LRBA: variants seen among roughly 807,000 people sequenced by gnomAD.
LRBA encodes the protein lipopolysaccharide-responsive and beige-like anchor protein.
In LRBA, 176 loss-of-function variants were observed where a neutral mutation model predicts 330.0. The observed-to-expected ratio is 0.53, with a 90% CI of 0.47 to 0.60. The LOEUF (loss-of-function observed/expected upper bound fraction) is 0.60, where lower values mean the gene tolerates loss of function less well. Ranked by LOEUF, LRBA falls within the 20% of genes least tolerant of loss-of-function variation. The pLI, the probability that LRBA is intolerant of heterozygous loss-of-function variation, is 0.00. For missense variants in LRBA, 3,259 were observed against 3,444.8 expected (o/e 0.95, Z 1.35); for synonymous variants, 1,230 against 1,193.0 (o/e 1.03, Z -0.64).
chr4:150,555,756 A>AACACACACACACACACACACAC (rs34497958), intron 40 of LRBA, among the ~76,000 whole-genome samples: 1,586 of 144,600 alleles, frequency 0.011, 29 homozygotes, highest in African/African-American at 0.033. Context: ...GTCTTATAAA[A>AACACACACACACACACACACAC]ACACACACAC....
intron 42 of LRBA, among the ~76,000 whole-genome samples, chr4:150,481,295 A>G (rs897055551): frequency 2.0e-5 from 3 of 152,090 alleles, no homozygotes; most frequent in African/African-American, 7.2e-5. Context: ...CCTGCAATAA[A>G]CATGGTGGGT....
intron 47 of LRBA, among the ~76,000 whole-genome samples, chr4:150,357,283 G>C (rs762827732): frequency 6.6e-6 from 1 of 151,856 alleles, no homozygotes; most frequent in African/African-American, 2.4e-5. Flanking sequence ...TTCTGTCTAC[G>C]ATTGTTATTG....
At chr4:150,614,200 T>C (rs1775545703) in intron 37 of LRBA, among the ~76,000 whole-genome samples, 1 of 152,232 alleles carries the variant, frequency 6.6e-6, no homozygotes, top group Non-Finnish European at 1.5e-5. Flanking sequence ...AATTGGCTAC[T>C]CCTACACCTG....
chr4:150,716,301 G>A (rs2127059488), intron 36 of LRBA, among the ~76,000 whole-genome samples: 1 of 152,176 alleles, frequency 6.6e-6, no homozygotes, highest in Admixed American at 6.5e-5. Context: ...ACAAAATCTA[G>A]CTGGGCGTGG....
rs142972660 is a variant in LRBA, at chr4:150,787,595, A to C, written c.5580+10486T>G. 2.5e-3 allele frequency among the ~76,000 whole-genome samples: 380 copies of C among 152,288 alleles called. 5 individuals are homozygous for C. The highest frequency in any genetic ancestry group is 8.7e-3 in the African/African-American group (363 of 41,556). On this transcript the variant is annotated intron_variant, in intron 34 of 56. Coordinates refer to ENST00000651943, the MANE Select transcript of LRBA (RefSeq NM_001364905.1). ...ATGAGATGTTTTGATACAGGCATGC[A>C]ATGCATAATAATCACATCCTGTAAA... is the stretch of plus-strand genomic sequence containing the variant.
At chr4:150,682,294 C>CT (rs1463690780) in intron 37 of LRBA, among the ~76,000 whole-genome samples, 13 of 152,096 alleles carry the variant, frequency 8.5e-5, no homozygotes, top group Admixed American at 8.5e-4. Context: ...TCGCCATGGG[C>CT]TTTTAGATGT....
At chr4:150,528,946 T>C (rs190340180) in intron 40 of LRBA, among the ~76,000 whole-genome samples, 1 of 152,326 alleles carries the variant, frequency 6.6e-6, no homozygotes, top group African/African-American at 2.4e-5. Flanking sequence ...TGTGCTTGTT[T>C]TTCATTTGGT....
chr4:150,267,887 T>A (rs1278651995), intron 56 of LRBA, among the ~76,000 whole-genome samples: 3 of 151,810 alleles, frequency 2.0e-5, no homozygotes, highest in African/African-American at 7.3e-5. Context: ...CGGGGAAACC[T>A]CGTCTCTACT....
chr4:150,980,118 C>A (rs944888550), intron 2 of LRBA, among the ~76,000 whole-genome samples: 18 of 152,118 alleles, frequency 1.2e-4, no homozygotes, highest in African/African-American at 4.1e-4. Context: ...TGAAAAAGAT[C>A]ATTTATCATG....
At position 150,590,872 on chromosome 4, in the gene LRBA, G is replaced by A; in HGVS notation, c.6047-13C>T. On this transcript the variant is annotated splice_polypyrimidine_tract_variant and intron_variant, in intron 38 of 56. Coordinates refer to ENST00000651943, the MANE Select transcript of LRBA (RefSeq NM_001364905.1). ...TCTTCATCTGTGGCTGAAATGAAAAGGAAACAAAGCTGTCCATCAGTTCTG... is the reference window on the plus strand; with the variant it reads ...TCTTCATCTGTGGCTGAAATGAAAAAGAAACAAAGCTGTCCATCAGTTCTG... 1 of 1,613,090 alleles carries A rather than the reference G, an allele frequency of 6.2e-7. No homozygotes were observed. The highest frequency in any genetic ancestry group is 1.7e-4 in the Middle Eastern group (1 of 6,042).
At chr4:150,395,728 A>G (rs746284699) in intron 47 of LRBA, among the ~76,000 whole-genome samples, 1 of 152,166 alleles carries the variant, frequency 6.6e-6, no homozygotes, top group Non-Finnish European at 1.5e-5. Flanking sequence ...TTCCCAAGAA[A>G]CCTATGCAAT....
chr4:150,592,508 T>G (rs1438573673), intron 38 of LRBA, among the ~76,000 whole-genome samples: 1 of 152,180 alleles, frequency 6.6e-6, no homozygotes, highest in African/African-American at 2.4e-5. Context: ...TACCTTTAAA[T>G]ACACTCTATG....
intron 34 of LRBA, among the ~76,000 whole-genome samples, chr4:150,789,539 C>T (rs1217391165): frequency 6.6e-6 from 1 of 152,036 alleles, no homozygotes; most frequent in Non-Finnish European, 1.5e-5. Flanking sequence ...ACTGCAAATA[C>T]CATAAACATA....
chr4:150,835,756 A>G (rs1056477854), intron 28 of LRBA, among the ~76,000 whole-genome samples: 2 of 152,168 alleles, frequency 1.3e-5, no homozygotes, highest in African/African-American at 4.8e-5. Flanking sequence ...AACAGGGACA[A>G]TTTGACTTCC....
At chr4:150,887,973 C>A (rs74923854) in intron 17 of LRBA, among the ~76,000 whole-genome samples, 2,167 of 151,812 alleles carry the variant, frequency 0.014, 50 homozygotes, top group African/African-American at 0.05. Flanking sequence ...CATAGTAAGA[C>A]CCCAATTCTA....
At chr4:150,651,612 C>T (rs1779715289) in intron 37 of LRBA, among the ~76,000 whole-genome samples, 1 of 151,870 alleles carries the variant, frequency 6.6e-6, no homozygotes, top group Non-Finnish European at 1.5e-5. Flanking sequence ...TTGTCTTGTT[C>T]CTAACTGTAT....
chr4:150,281,358 G>T (rs1747496535), intron 55 of LRBA, among the ~76,000 whole-genome samples: 1 of 152,166 alleles, frequency 6.6e-6, no homozygotes, highest in Non-Finnish European at 1.5e-5. Context: ...AGAGACCGCA[G>T]AGAACAGTGG....
chr4:150,961,742 T>A (rs968018283), intron 2 of LRBA, among the ~76,000 whole-genome samples: 1 of 148,960 alleles, frequency 6.7e-6, no homozygotes, highest in African/African-American at 2.6e-5. Context: ...ATAACTTTTT[T>A]AAAAAGCGGT....
intron 44 of LRBA, 51 bp downstream of exon 44, chr4:150,467,622 T>G (rs1755601739): frequency 1.7e-6 from 2 of 1,154,246 alleles, no homozygotes; most frequent in Middle Eastern, 4.2e-4. Flanking sequence ...ACAATCCAAT[T>G]TATTTTTATA....
Sources: allele counts gnomAD v4.1 joint callset (sites outside exome capture counted in the v4.1 genomes callset), GRCh38; gene constraint gnomAD v4.1.1; transcripts MANE v1.5; gene names NCBI Gene and HGNC (gene_info 2026-07-23, HGNC 2026-07-21).